The following LRMDA variants were observed in gnomAD, a reference collection of about 807,000 sequenced individuals.
LRMDA encodes the protein leucine-rich melanocyte differentiation-associated protein.
A neutral mutation model predicts 29.8 loss-of-function variants in LRMDA; 18 were observed. That is an observed-to-expected ratio of 0.60 (90% CI 0.42 to 0.90). LRMDA has a LOEUF of 0.90. Among genes scored for constraint, LRMDA ranks in the 40% least tolerant of loss-of-function variants. The pLI, the probability that LRMDA is intolerant of heterozygous loss-of-function variation, is 0.00. For missense variants in LRMDA, 273 were observed against 273.9 expected (o/e 1.00, Z 0.02); for synonymous variants, 125 against 109.4 (o/e 1.14, Z -0.89).
chr10:76,231,168 G>GA (rs948846338), intron 5 of LRMDA, among the ~76,000 whole-genome samples: 104 of 151,060 alleles, frequency 6.9e-4, no homozygotes, highest in Admixed American at 3.2e-3. Context: ...AAAAGAAAAA[G>GA]AAAAAAAAAT....
chr10:76,005,967 G>A (rs1006376266), intron 2 of LRMDA, among the ~76,000 whole-genome samples: 14 of 142,690 alleles, frequency 9.8e-5, no homozygotes, highest in African/African-American at 3.7e-4. Flanking sequence ...AAATGAACCA[G>A]CTGAGACTTA....
chr10:75,757,615 G>C (rs926169857), intron 2 of LRMDA, among the ~76,000 whole-genome samples: 1 of 152,038 alleles, frequency 6.6e-6, no homozygotes, highest in Non-Finnish European at 1.5e-5. Context: ...AAAAAAATGG[G>C]TGCAATGAGA....
chr10:76,422,000 A>T (rs898397964), intron 6 of LRMDA, among the ~76,000 whole-genome samples: 15 of 152,172 alleles, frequency 9.9e-5, no homozygotes, highest in African/African-American at 3.6e-4. Flanking sequence ...GATTTATTCC[A>T]TGGGAAACTG....
chr10:76,333,082 T>G (rs1840923855), intron 6 of LRMDA, among the ~76,000 whole-genome samples: 1 of 152,036 alleles, frequency 6.6e-6, no homozygotes, highest in Non-Finnish European at 1.5e-5. Context: ...TTGAAGAACA[T>G]GTTAAGTGGA....
At chr10:75,514,645 T>C (rs914421348) in intron 2 of LRMDA, among the ~76,000 whole-genome samples, 7 of 152,098 alleles carry the variant, frequency 4.6e-5, no homozygotes, top group Non-Finnish European at 1.0e-4. Context: ...GGAGAACTGA[T>C]AGTTAAAAAG....
intron 5 of LRMDA, among the ~76,000 whole-genome samples, chr10:76,212,537 A>G (rs573429035): frequency 2.4e-4 from 36 of 152,208 alleles, no homozygotes; most frequent in South Asian, 1.0e-3. Flanking sequence ...AATATTACCA[A>G]TCAGCCCTCT....
At chr10:75,660,344 A>T (rs921730526) in intron 2 of LRMDA, among the ~76,000 whole-genome samples, 2 of 152,210 alleles carry the variant, frequency 1.3e-5, no homozygotes, top group Non-Finnish European at 2.9e-5. Flanking sequence ...GAAAGAATGA[A>T]ACTTGCGAAT....
At position 75,750,903 on chromosome 10, in the gene LRMDA, C is replaced by T. The variant is rs571216876; in HGVS notation, c.132-285105C>T. Among the ~76,000 whole-genome samples the T allele has an allele frequency of 2.0e-5, 3 of 152,310 alleles. No homozygotes were observed. The East Asian group carries it at 5.8e-4, about 29-fold the overall frequency. Reference sequence around the variant, plus strand: ...GCCAGGCAGAGACGCTCCTCACTTCCCAGACGGGGTGGCGGCCGGGCAGAG... The same window carrying T: ...GCCAGGCAGAGACGCTCCTCACTTCTCAGACGGGGTGGCGGCCGGGCAGAG... On this transcript the variant is annotated intron_variant, in intron 2 of 6. Coordinates refer to ENST00000611255, the MANE Select transcript of LRMDA (RefSeq NM_001305581.2).
intron 2 of LRMDA, among the ~76,000 whole-genome samples, chr10:75,945,097 C>G (rs1190107336): frequency 6.6e-6 from 1 of 152,094 alleles, no homozygotes; most frequent in Non-Finnish European, 1.5e-5. Context: ...ATTGTATAGA[C>G]ACTGATAGAT....
chr10:75,974,594 C>T (rs1177201242), intron 2 of LRMDA, among the ~76,000 whole-genome samples: 1 of 152,172 alleles, frequency 6.6e-6, no homozygotes, highest in East Asian at 1.9e-4. Flanking sequence ...TTCATGAACT[C>T]ATTCAATCCT....
At chr10:76,478,572 A>T (rs1378771426) in intron 6 of LRMDA, among the ~76,000 whole-genome samples, 1 of 152,170 alleles carries the variant, frequency 6.6e-6, no homozygotes, top group Non-Finnish European at 1.5e-5. Context: ...ATTATAAATG[A>T]TGCTGCTATA....
At chr10:75,619,773 T>C (rs59970797) in intron 2 of LRMDA, among the ~76,000 whole-genome samples, 5,835 of 152,224 alleles carry the variant, frequency 0.038, 363 homozygotes, top group African/African-American at 0.13. Context: ...GGGTTTACAG[T>C]TGGCCTCTGC....
At chr10:76,503,574 G>A (rs887363874) in intron 6 of LRMDA, among the ~76,000 whole-genome samples, 2 of 151,496 alleles carry the variant, frequency 1.3e-5, no homozygotes, top group South Asian at 2.1e-4. Context: ...ATGTTTCCAC[G>A]AATTTATCCA....
At chr10:76,508,222 T>C (rs1189985215) in intron 6 of LRMDA, among the ~76,000 whole-genome samples, 1 of 152,290 alleles carries the variant, frequency 6.6e-6, no homozygotes, top group African/African-American at 2.4e-5. Context: ...AGAGTTCCTG[T>C]TTTCCTTTGT....
intron 6 of LRMDA, among the ~76,000 whole-genome samples, chr10:76,402,873 A>T (rs1841864017): frequency 6.6e-6 from 1 of 152,160 alleles, no homozygotes; most frequent in Non-Finnish European, 1.5e-5. Context: ...TTTCAGAGAC[A>T]TGTAACTTAC....
At chr10:75,929,295 ATGTG>A (rs151109175) in intron 2 of LRMDA, among the ~76,000 whole-genome samples, 2 of 151,004 alleles carry the variant, frequency 1.3e-5, no homozygotes, top group Non-Finnish European at 3.0e-5. Context: ...TGCATGATCT[ATGTG>A]TGTGTGTGTG....
intron 6 of LRMDA, among the ~76,000 whole-genome samples, chr10:76,404,282 T>A (rs1841879847): frequency 6.6e-6 from 1 of 152,168 alleles, no homozygotes; most frequent in African/African-American, 2.4e-5. Context: ...AAGGCACTTT[T>A]TTATTATTAT....
intron 5 of LRMDA, among the ~76,000 whole-genome samples, chr10:76,134,262 T>C (rs868726892): frequency 1.3e-5 from 2 of 152,122 alleles, no homozygotes; most frequent in Non-Finnish European, 2.9e-5. Flanking sequence ...TTTTGGGAAA[T>C]TGGGGCATCT....
chr10:75,937,498 T>C (rs1483823815), intron 2 of LRMDA, among the ~76,000 whole-genome samples: 1 of 152,170 alleles, frequency 6.6e-6, no homozygotes, highest in African/African-American at 2.4e-5. Flanking sequence ...CATGTGAAAG[T>C]TCAAAGTAAA....
Sources: gnomAD v4.1 joint callset for allele counts (sites outside exome capture counted in the v4.1 genomes callset) on GRCh38, gnomAD v4.1.1 for gene constraint, MANE v1.5 for transcripts, NCBI Gene and HGNC (gene_info 2026-07-23, HGNC 2026-07-21) for gene names.